ZFHX3: variants seen among roughly 807,000 people sequenced by gnomAD.
The protein encoded by ZFHX3 is zinc finger homeobox protein 3.
ZFHX3 carries 42 observed loss-of-function variants against 279.1 expected under a neutral mutation model. The ratio of observed to expected loss-of-function variants is 0.15; its 90% CI spans 0.12 to 0.19. The LOEUF (loss-of-function observed/expected upper bound fraction) is 0.19. Among genes scored for constraint, ZFHX3 ranks in the 10% least tolerant of loss-of-function variants. The pLI, the probability that ZFHX3 is intolerant of heterozygous loss-of-function variation, is 1.00. For missense variants in ZFHX3, 4,981 were observed against 4,754.0 expected (o/e 1.05, Z -1.40); for synonymous variants, 2,293 against 1,957.8 (o/e 1.17, Z -4.52).
rs887492314 is a variant in ZFHX3, at chr16:73,403,563, G to A, written c.-1291+52440C>T. Among the ~76,000 whole-genome samples, 3 of 151,928 alleles carry A rather than the reference G, an allele frequency of 2.0e-5. No individual in the cohort carries two copies. In the South Asian group the frequency reaches 6.3e-4, roughly 32 times the overall value. On this transcript the variant is annotated intron_variant, in intron 3 of 17. Transcript: ENST00000641206. ...GGCCACATGCAATTTTTTTTTAAAG[G>A]CAAAAAGCAAAAGGTGCTTTCTTAC...
chr16:73,617,710 T>C (rs2052319098), intron 2 of ZFHX3, among the ~76,000 whole-genome samples: 1 of 152,070 alleles, frequency 6.6e-6, no homozygotes, highest in Non-Finnish European at 1.5e-5. Flanking sequence ...GAGGAAACCT[T>C]GATAGGCAAC....
intron 5 of ZFHX3, among the ~76,000 whole-genome samples, chr16:73,216,173 G>A (rs1338450483): frequency 6.6e-6 from 1 of 152,194 alleles, no homozygotes; most frequent in Non-Finnish European, 1.5e-5. Context: ...GGGAAGCTTT[G>A]TTACACAGCA....
chr16:73,373,723 C>T (rs2016673362), intron 3 of ZFHX3, among the ~76,000 whole-genome samples: 1 of 152,204 alleles, frequency 6.6e-6, no homozygotes. Flanking sequence ...CCTCTGAACA[C>T]ATCTTTGGTT....
In ZFHX3 at chr16:73,477,558, A is replaced by G. The variant is rs1412000510; in HGVS notation, c.-1546-21300T>C. Reference sequence around the variant, plus strand: ...CAGCCTCTGTGTCCTGCATGGACCAATATTTTCCTGCACACCTACCCTCTG... The same window carrying G: ...CAGCCTCTGTGTCCTGCATGGACCAGTATTTTCCTGCACACCTACCCTCTG... On this transcript the variant is annotated intron_variant, in intron 2 of 17. Coordinates refer to the ZFHX3 transcript ENST00000641206. Among the ~76,000 whole-genome samples the G allele has an allele frequency of 2.6e-5, 4 of 152,232 alleles. No individual in the cohort carries two copies. The East Asian group carries it at 5.8e-4, about 22-fold the overall frequency.
At chr16:72,843,888 C>T (rs1349697902) in intron 4 of ZFHX3, among the ~76,000 whole-genome samples, 2 of 152,182 alleles carry the variant, frequency 1.3e-5, no homozygotes, top group African/African-American at 2.4e-5. Flanking sequence ...CAAAACCAGC[C>T]AATCCTGTTT....
intron 4 of ZFHX3, among the ~76,000 whole-genome samples, chr16:73,275,785 T>C (rs539689061): frequency 1.3e-5 from 2 of 152,238 alleles, no homozygotes; most frequent in Admixed American, 6.5e-5. Flanking sequence ...CAAATACACT[T>C]GCTTGATGCA....
intron 2 of ZFHX3, among the ~76,000 whole-genome samples, chr16:73,583,516 A>T (rs1384674424): frequency 6.6e-6 from 1 of 152,188 alleles, no homozygotes; most frequent in African/African-American, 2.4e-5. Flanking sequence ...AGTTAAAATA[A>T]CGCCCACATA....
chr16:73,494,480 T>C (rs1227488019), intron 2 of ZFHX3, among the ~76,000 whole-genome samples: 1 of 152,224 alleles, frequency 6.6e-6, no homozygotes, highest in Non-Finnish European at 1.5e-5. Flanking sequence ...TCTTTCCTTG[T>C]TGATGCACCG....
At chr16:73,345,332 C>A (rs2016103446) in intron 3 of ZFHX3, among the ~76,000 whole-genome samples, 1 of 152,038 alleles carries the variant, frequency 6.6e-6, no homozygotes, top group Admixed American at 6.6e-5. Flanking sequence ...CCTACCAACC[C>A]ATCACCTAGG....
intron 1 of ZFHX3, among the ~76,000 whole-genome samples, chr16:73,766,347 C>T (rs1046205653): frequency 6.6e-6 from 1 of 152,132 alleles, no homozygotes; most frequent in Non-Finnish European, 1.5e-5. Flanking sequence ...AAATAAATGG[C>T]CCAGGTATAT....
chr16:73,181,101 T>TTTG (rs1456759812), intron 5 of ZFHX3, among the ~76,000 whole-genome samples: 20 of 147,280 alleles, frequency 1.4e-4, no homozygotes, highest in Non-Finnish European at 2.1e-4. Flanking sequence ...TTTTGTTTTG[T>TTTG]TTTGTTTTGT....
chr16:73,276,258 A>C (rs1432682997), intron 4 of ZFHX3, among the ~76,000 whole-genome samples: 1 of 146,080 alleles, frequency 6.8e-6, no homozygotes, highest in Non-Finnish European at 1.5e-5. Flanking sequence ...ATCTCAGCTC[A>C]CTGCAACCTC....
chr16:73,711,936 A>G (rs775947004), intron 1 of ZFHX3, among the ~76,000 whole-genome samples: 1 of 152,152 alleles, frequency 6.6e-6, no homozygotes, highest in Non-Finnish European at 1.5e-5. Flanking sequence ...CCCTGGCCAC[A>G]CTCTCTGGGA....
At chr16:72,817,749 G>A (rs1188890216) in intron 5 of ZFHX3, among the ~76,000 whole-genome samples, 1 of 152,186 alleles carries the variant, frequency 6.6e-6, no homozygotes, top group Non-Finnish European at 1.5e-5. Context: ...AATCACCGAA[G>A]TGCTGATCCT....
intron 2 of ZFHX3, among the ~76,000 whole-genome samples, chr16:73,537,670 G>T (rs1378425762): frequency 6.6e-6 from 1 of 152,160 alleles, no homozygotes; most frequent in Admixed American, 6.5e-5. Flanking sequence ...TAATGGGAAG[G>T]CGAAGCCTGA....
At chr16:73,280,765 T>C (rs923808366) in intron 4 of ZFHX3, among the ~76,000 whole-genome samples, 12 of 151,974 alleles carry the variant, frequency 7.9e-5, no homozygotes, top group Non-Finnish European at 1.6e-4. Context: ...GCGGATTACC[T>C]GAGGTTGGGA....
At chr16:73,102,435 AC>A (rs2144788963) in intron 7 of ZFHX3, among the ~76,000 whole-genome samples, 1 of 152,238 alleles carries the variant, frequency 6.6e-6, no homozygotes, top group East Asian at 1.9e-4. Context: ...TCTTTAGGTC[AC>A]CTTTGCTTTT....
intron 2 of ZFHX3, among the ~76,000 whole-genome samples, chr16:73,606,233 C>T (rs1030523016): frequency 5.8e-5 from 8 of 137,528 alleles, no homozygotes; most frequent in African/African-American, 1.2e-4. Context: ...GCTAGGCTGG[C>T]GTGGTGGCTC....
chr16:72,995,830 TG>T, intron 1 of ZFHX3, among the ~76,000 whole-genome samples: 1 of 152,170 alleles, frequency 6.6e-6, no homozygotes, highest in Non-Finnish European at 1.5e-5. Flanking sequence ...GAGGGTCAAA[TG>T]AGCACATATG....
Sources: gnomAD v4.1 joint callset for allele counts (sites outside exome capture counted in the v4.1 genomes callset) on GRCh38, gnomAD v4.1.1 for gene constraint, MANE v1.5 for transcripts, NCBI Gene and HGNC (gene_info 2026-07-23, HGNC 2026-07-21) for gene names.